Variants in TNC observed in about 807,000 individuals in gnomAD.
TNC encodes the protein tenascin C.
A neutral mutation model predicts 202.4 loss-of-function variants in TNC; 109 were observed. The ratio of observed to expected loss-of-function variants is 0.54; its 90% confidence interval spans 0.46 to 0.63. The LOEUF (loss-of-function observed/expected upper bound fraction) is 0.63. TNC is among the 30% of genes least tolerant of loss of function. The pLI is 0.00. For missense variants in TNC, 2,756 were observed against 2,833.3 expected, an observed-to-expected ratio of 0.97 and a Z score of 0.62; for synonymous variants, 1,007 against 1,089.7, an observed-to-expected ratio of 0.92 and a Z score of 1.50.
chr9:115,035,517 C>G, intron 21 of TNC, 183 bp from the exon 22 acceptor site: 1 of 587,176 alleles, frequency 1.7e-6, no homozygotes. Context: ...GACAAATTCT[C>G]TATGGTTTAT....
In TNC at chr9:115,020,833, C is replaced by T. The variant is rs1483349394; in HGVS notation, c.*324G>A. The T allele has an allele frequency of 3.2e-6, 1 of 316,182 alleles. No individual in the cohort carries two copies. Among genetic ancestry groups the T allele is most frequent in the African/African-American group, 2.1e-5 (1 of 47,170 alleles). 19.6% of individuals were successfully genotyped at this position (316,182 alleles called of 1,614,324 possible). ...ACGGCTGGTTCTAAAACAAACTACCCCTGTACATCCTACCCCTCTCCCATT... is the reference window on the plus strand; with the variant it reads ...ACGGCTGGTTCTAAAACAAACTACCTCTGTACATCCTACCCCTCTCCCATT... On this transcript the variant is annotated 3_prime_UTR_variant, in exon 28 of 28. Transcript: ENST00000350763.
At chr9:115,085,276 A>G (rs1834622385) in intron 3 of TNC, among the ~76,000 whole-genome samples, 2 of 152,220 alleles carry the variant, frequency 1.3e-5, no homozygotes, top group African/African-American at 4.8e-5. Flanking sequence ...TCAAAAAAAC[A>G]AAACCAGTTA....
intron 13 of TNC, among the ~76,000 whole-genome samples, chr9:115,061,348 C>G (rs1254527387): frequency 6.6e-6 from 1 of 152,262 alleles, no homozygotes; most frequent in East Asian, 1.9e-4. Flanking sequence ...AGGTATCCCC[C>G]TCTTACTTCC....
rs1347691427 is a variant in TNC, at chr9:115,082,807, T to A, written c.2132A>T (p.Tyr711Phe). The change falls in exon 5 of 28, where the codon TAC (tyrosine) becomes TTC (phenylalanine). Residue 711 changes from tyrosine to phenylalanine, a missense_variant and splice_region_variant. Tyr to Phe is a conservative substitution (Grantham distance 22). This residue lies in a region of TNC where 2,559 missense variants were observed against 2,546.0 expected (regional missense o/e 1.01). Transcript: ENST00000350763. ...SIPVSARVAT[Y>F]LPAPEGLKFK... Reference sequence around the variant, plus strand: ...TTTCAGGCCTTCAGGTGCAGGTAAGTCTGTAAGTAACAACATAAATAGAAC... The same window carrying A: ...TTTCAGGCCTTCAGGTGCAGGTAAGACTGTAAGTAACAACATAAATAGAAC... The A allele has an allele frequency of 6.2e-7, 1 of 1,607,864 alleles. No individual in the cohort carries two copies. The highest frequency in any genetic ancestry group is 1.1e-5 in the South Asian group (1 of 90,930).
chr9:115,077,551 A>G (rs1833971174), intron 7 of TNC, among the ~76,000 whole-genome samples: 2 of 152,258 alleles, frequency 1.3e-5, no homozygotes, highest in Admixed American at 1.3e-4. Context: ...TATTTACTGA[A>G]TGAAAAATTG....
intron 1 of TNC, among the ~76,000 whole-genome samples, chr9:115,099,143 TG>T (rs1167736184): frequency 6.6e-6 from 1 of 152,094 alleles, no homozygotes; most frequent in Non-Finnish European, 1.5e-5. Context: ...GTTAAGATGC[TG>T]GGGGAGCCAG....
Position 115,049,645 on chromosome 9 carries a change from C to CT in TNC, c.4580-1114dup, listed in dbSNP as rs1057273839. On this transcript the variant is annotated intron_variant, in intron 15 of 27. Transcript: ENST00000350763. ...CTTTTCTAGGTGTTTTTTCTTTTTT[C>CT]TTTTTTTTTTTCTGACAGTACTGGT... Among the ~76,000 whole-genome samples the CT allele has an allele frequency of 7.1e-4, 101 of 141,800 alleles. 2 individuals are homozygous for CT. Among genetic ancestry groups the CT allele is most frequent in the East Asian group, 1.0e-3 (5 of 4,886 alleles). 93.0% of individuals were successfully genotyped at this position (141,800 alleles called of 152,430 possible). A position where few individuals can be genotyped will look rare whatever the true frequency, so the allele number is the denominator to read the frequency against.
intron 2 of TNC, among the ~76,000 whole-genome samples, chr9:115,089,355 G>A (rs1300761950): frequency 6.6e-6 from 1 of 152,168 alleles, no homozygotes; most frequent in Non-Finnish European, 1.5e-5. Context: ...ATCAACTTTA[G>A]TTATTGGAGA....
At chr9:115,085,241 C>G (rs571958913) in intron 3 of TNC, among the ~76,000 whole-genome samples, 1 of 152,164 alleles carries the variant, frequency 6.6e-6, no homozygotes, top group African/African-American at 2.4e-5. Flanking sequence ...AGCTTGCAGT[C>G]TTTAGGATTA....
chr9:115,048,785 T>C (rs1831410368), intron 15 of TNC, among the ~76,000 whole-genome samples: 2 of 152,202 alleles, frequency 1.3e-5, no homozygotes, highest in South Asian at 2.1e-4. Flanking sequence ...AGAAGTTGAT[T>C]GACTTAGCTA....
intron 19 of TNC, 54 bp from the exon 20 acceptor site, chr9:115,038,434 C>T: frequency 1.3e-6 from 2 of 1,597,836 alleles, no homozygotes; most frequent in Non-Finnish European, 1.7e-6. Context: ...ACATCAGACT[C>T]TAGCTGCTCT....
chr9:115,049,562 C>T (rs1831487416), intron 15 of TNC, among the ~76,000 whole-genome samples: 1 of 152,078 alleles, frequency 6.6e-6, no homozygotes, highest in Admixed American at 6.6e-5. Flanking sequence ...AAGCCAACCC[C>T]AATCAGTGAT....
rs780823718 is a variant in TNC, at chr9:115,090,961, T to C, written c.58A>G (p.Thr20Ala). The change falls in exon 2 of 28, where the codon ACC (threonine) becomes GCC (alanine). Residue 20 changes from threonine (T) to alanine (A), a missense_variant. Thr to Ala is a moderately conservative substitution (Grantham distance 58). Around this residue, in one of 2 missense-constraint regions of TNC, gnomAD observed 2,559 missense variants for 2,546.0 expected, o/e 1.01. Coordinates refer to ENST00000350763, the MANE Select transcript of TNC (RefSeq NM_002160.4). ...GVFLAFLALA[T>A]EGGVLKKVIR... ...ACTTTCTTGAGGACCCCACCTTCGGTAGCGAGGGCAAGGAAAGCAAGAAAG... is the reference window on the plus strand; with the variant it reads ...ACTTTCTTGAGGACCCCACCTTCGGCAGCGAGGGCAAGGAAAGCAAGAAAG... The C allele has an allele frequency of 1.2e-6, 2 of 1,614,004 alleles. No homozygotes were observed. Among genetic ancestry groups the C allele is most frequent in the South Asian group, 1.1e-5 (1 of 91,078 alleles).
At chr9:115,056,562 C>G (rs549419553) in intron 15 of TNC, among the ~76,000 whole-genome samples, 8 of 152,226 alleles carry the variant, frequency 5.3e-5, no homozygotes, top group Non-Finnish European at 8.8e-5. Flanking sequence ...GAGGGCAAGA[C>G]AGCATGTTCT....
intron 10 of TNC, among the ~76,000 whole-genome samples, chr9:115,069,458 G>C (rs1470925841): frequency 6.6e-6 from 1 of 151,726 alleles, no homozygotes; most frequent in Non-Finnish European, 1.5e-5. Flanking sequence ...GAGGGGAGGA[G>C]AATAGAGTGG....
rs550926034 is a variant in TNC, at chr9:115,070,798, C to T, written c.3214+2805G>A. On this transcript the variant is annotated intron_variant, in intron 10 of 27. Transcript: ENST00000350763. ...CTCTGCAACATTTCAGGACTTATAGCCACATGGCTCCTTCACCCAAGAGCT... is the reference window on the plus strand; with the variant it reads ...CTCTGCAACATTTCAGGACTTATAGTCACATGGCTCCTTCACCCAAGAGCT... Among the ~76,000 whole-genome samples the T allele has an allele frequency of 3.9e-5, 6 of 152,336 alleles. No individual in the cohort carries two copies. In the South Asian group the frequency reaches 1.2e-3, roughly 32 times the overall value.
At chr9:115,092,737 C>G (rs1457178933) in intron 1 of TNC, among the ~76,000 whole-genome samples, 1 of 138,842 alleles carries the variant, frequency 7.2e-6, no homozygotes, top group Non-Finnish European at 1.5e-5. Context: ...CCATGCCTGG[C>G]TGATTTTTTG....
intron 1 of TNC, among the ~76,000 whole-genome samples, chr9:115,113,233 G>A (rs1837216842): frequency 6.6e-6 from 1 of 152,212 alleles, no homozygotes; most frequent in South Asian, 2.1e-4. Context: ...ATAGAATTAG[G>A]GAGCTGAGCA....
intron 2 of TNC, among the ~76,000 whole-genome samples, chr9:115,089,492 C>G (rs1049526352): frequency 6.6e-6 from 1 of 152,012 alleles, no homozygotes; most frequent in African/African-American, 2.4e-5. Context: ...CTCTCTCTCT[C>G]TCTCTCTCTC....
Sources: gnomAD v4.1 joint callset for allele counts (sites outside exome capture counted in the v4.1 genomes callset) on GRCh38, gnomAD v4.1.1 for gene constraint, gnomAD v4.1.1 regional missense constraint, MANE v1.5 for transcripts, NCBI Gene and HGNC (gene_info 2026-07-23, HGNC 2026-07-21) for gene names.